ANKRD18B: variants seen among roughly 807,000 people sequenced by gnomAD.
The protein encoded by ANKRD18B is ankyrin repeat domain-containing protein 18B.
In ANKRD18B, 75 loss-of-function variants were observed where a neutral mutation model predicts 111.8. That is an observed-to-expected ratio of 0.67 (90% CI 0.56 to 0.81). The LOEUF is 0.81. ANKRD18B is among the 40% of genes least tolerant of loss of function. ANKRD18B has a pLI of 0.00. For missense variants in ANKRD18B, 1,038 were observed against 1,225.5 expected, an observed-to-expected ratio of 0.85 and a Z score of 2.28; for synonymous variants, 356 against 417.3, an observed-to-expected ratio of 0.85 and a Z score of 1.79.
At chr9:33,571,403 T>C (rs903289670) in intron 18 of ANKRD18B, 112 bp downstream of exon 18, 4 of 337,814 alleles carry the variant, frequency 1.2e-5, no homozygotes, top group Non-Finnish European at 1.4e-5. Flanking sequence ...ATTCAGTATC[T>C]TTTTCTTACA....
chr9:33,536,958 A>C lies in ANKRD18B; in HGVS notation c.808+13A>C. On this transcript the variant is annotated intron_variant, in intron 6 of 18. Transcript: ENST00000684830. The stretch of plus-strand genomic sequence containing the variant: ...AATGACAATCAAGGTAAGACTTCTG[A>C]TAGTAAATTTCTCATTTCCCTTGGT... 1 of 1,458,330 alleles carries C rather than the reference A, an allele frequency of 6.9e-7. No homozygotes were observed. The highest frequency in any genetic ancestry group is 9.1e-7 in the Non-Finnish European group (1 of 1,093,322). 90.3% of individuals were successfully genotyped at this position (1,458,330 alleles called of 1,614,324 possible).
chr9:33,524,819 T>G (rs1035223272), intron 1 of ANKRD18B, 124 bp downstream of exon 1: 7 of 1,191,956 alleles, frequency 5.9e-6, no homozygotes, highest in African/African-American at 4.6e-5. Flanking sequence ...GAGCCTCAGC[T>G]GCTTTCCATC....
At position 33,536,971 on chromosome 9, in the gene ANKRD18B, C is replaced by T. The variant is rs901428903; in HGVS notation, c.808+26C>T. Reference sequence around the variant, plus strand: ...GTAAGACTTCTGATAGTAAATTTCTCATTTCCCTTGGTGATCTTACTGATT... The same window carrying T: ...GTAAGACTTCTGATAGTAAATTTCTTATTTCCCTTGGTGATCTTACTGATT... On this transcript the variant is annotated intron_variant, in intron 6 of 18. Transcript: ENST00000684830. 4.9e-6 allele frequency: 7 copies of T among 1,440,864 alleles called. No individual in the cohort carries two copies. In the African/African-American group the frequency reaches 5.9e-5, roughly 12 times the overall value. The allele number at this position is 1,440,864 out of a possible 1,614,324, so 89.3% of individuals were successfully genotyped here. A position where few individuals can be genotyped will look rare whatever the true frequency, so the allele number is the denominator to read the frequency against.
chr9:33,548,585 G>T lies in ANKRD18B; in HGVS notation c.1797G>T (p.Gly599=). The part of the protein sequence containing the change: ...IKEMKQMHPN[G]EAKESQSIGK... The stretch of plus-strand genomic sequence containing the variant: ...AAATGAAGCAGATGCATCCAAATGG[G>T]GAAGCTAAAGAAAGTCAATCCATTG... The change falls in exon 11 of 19, where the codon GGG becomes GGT. Residue 599 remains glycine (G), a synonymous_variant. Coordinates refer to ENST00000684830, the MANE Select transcript of ANKRD18B (RefSeq NM_001393611.1). 1 of 1,551,362 alleles carries T rather than the reference G, an allele frequency of 6.4e-7. No homozygotes were observed. Among genetic ancestry groups the T allele is most frequent in the Non-Finnish European group, 8.7e-7 (1 of 1,146,684 alleles).
intron 11 of ANKRD18B, among the ~76,000 whole-genome samples, chr9:33,549,980 T>C (rs1050117617): frequency 2.6e-5 from 4 of 152,112 alleles, no homozygotes; most frequent in Admixed American, 2.0e-4. Context: ...TTCAGACTAA[T>C]GAGGGGTGGC....
rs1324413767 is a variant in ANKRD18B at position 33,536,931 on chromosome 9, G to A, written c.794G>A (p.Arg265Gln). 40 of 1,499,622 alleles carry A rather than the reference G, an allele frequency of 2.7e-5. No individual in the cohort carries two copies. Among genetic ancestry groups the A allele is most frequent in the Non-Finnish European group, 3.0e-5 (33 of 1,117,694 alleles). 92.9% of individuals were successfully genotyped at this position (1,499,622 alleles called of 1,614,324 possible). ...AATAAGATGCTTAAAAATCATCTTC[G>A]AAATGACAATCAAGGTAAGACTTCT... ...HKNKMLKNHL[R>Q]NDNQEAAAMK... The change falls in exon 6 of 19, where the codon CGA becomes CAA. Residue 265 changes from arginine (R) to glutamine (Q), a missense_variant. This residue lies in a region of ANKRD18B where 93 missense variants were observed against 141.3 expected (regional missense o/e 0.66). Coordinates refer to ENST00000684830, the MANE Select transcript of ANKRD18B (RefSeq NM_001393611.1).
chr9:33,537,089 G>A, intron 6 of ANKRD18B, 144 bp downstream of exon 6: 1 of 455,248 alleles, frequency 2.2e-6, no homozygotes, highest in Non-Finnish European at 3.7e-6. Context: ...CTGAGGTCAG[G>A]ATTTTGAGAC....
intron 12 of ANKRD18B, among the ~76,000 whole-genome samples, chr9:33,554,072 A>C (rs1231239349): frequency 6.7e-6 from 1 of 149,438 alleles, no homozygotes. Flanking sequence ...ACTCCATCTC[A>C]AAAAAAAAAT....
chr9:33,547,799 C>A, intron 10 of ANKRD18B, 139 bp from the exon 11 acceptor site: 2 of 556,440 alleles, frequency 3.6e-6, no homozygotes, highest in Non-Finnish European at 2.9e-6. Flanking sequence ...CAAGGTTTTG[C>A]TTCAATTTTT....
chr9:33,533,278 G>A (rs983408541), intron 3 of ANKRD18B, among the ~76,000 whole-genome samples, 161 bp from the exon 4 acceptor site: 7 of 152,228 alleles, frequency 4.6e-5, no homozygotes, highest in African/African-American at 1.4e-4. Context: ...TTTCAAGGCA[G>A]TGTGTGGGAA....
At chr9:33,544,776 G>A (rs1189858009) in intron 10 of ANKRD18B, among the ~76,000 whole-genome samples, 5 of 152,158 alleles carry the variant, frequency 3.3e-5, no homozygotes, top group Admixed American at 6.5e-5. Flanking sequence ...GGCAGAGGTT[G>A]TGTTGAGCCA....
intron 12 of ANKRD18B, among the ~76,000 whole-genome samples, chr9:33,553,478 C>T (rs1828476763): frequency 6.6e-6 from 1 of 152,134 alleles, no homozygotes; most frequent in Admixed American, 6.5e-5. Flanking sequence ...TAAGGGGCAG[C>T]TTTAAACCAT....
At chr9:33,541,897 C>G (rs551268789) in intron 9 of ANKRD18B, among the ~76,000 whole-genome samples, 1 of 152,304 alleles carries the variant, frequency 6.6e-6, no homozygotes, top group South Asian at 2.1e-4. Flanking sequence ...GCCCCTTTTT[C>G]TGGCATTACT....
Position 33,543,196 on chromosome 9 carries a change from A to G in ANKRD18B, c.1090A>G (p.Lys364Glu). 3.2e-6 allele frequency: 5 copies of G among 1,552,568 alleles called. No individual in the cohort carries two copies. The highest frequency in any genetic ancestry group is 3.5e-6 in the Non-Finnish European group (4 of 1,147,162). ...GGATTTGTCAGCAGAACACAACTTAAAAGTGGCTTCAGAGGAAAAGCAAGA... is the reference window on the plus strand; with the variant it reads ...GGATTTGTCAGCAGAACACAACTTAGAAGTGGCTTCAGAGGAAAAGCAAGA... ...RKEGAKEHNL[K>E]VASEEKQERL... The change falls in exon 10 of 19, where the codon AAA becomes GAA. Residue 364 changes from lysine (K) to glutamate (E), a missense_variant. Transcript: ENST00000684830.
intron 5 of ANKRD18B, among the ~76,000 whole-genome samples, chr9:33,534,825 C>CTT (rs374951470): frequency 0.011 from 1,348 of 123,220 alleles, 34 homozygotes; most frequent in African/African-American, 0.028. Flanking sequence ...TTCTTTCTTC[C>CTT]TTTTTTTTTT....
intron 14 of ANKRD18B, among the ~76,000 whole-genome samples, chr9:33,562,620 C>G (rs1828623217): frequency 6.6e-6 from 1 of 152,110 alleles, no homozygotes; most frequent in African/African-American, 2.4e-5. Context: ...TTCAAAATTT[C>G]AGAGCCAAGT....
chr9:33,548,170 A>G lies in ANKRD18B; in HGVS notation c.1382A>G (p.Gln461Arg). The change falls in exon 11 of 19, where the codon CAG becomes CGG. Residue 461 changes from glutamine to arginine, a missense_variant. By Grantham distance (43) the Gln-to-Arg change is conservative (BLOSUM62 1). Transcript: ENST00000684830. ...AAAAAAGTGGCCCAGTATTCGCAAC[A>G]GCTTAATGATCTGAAAGCTGAGAAT... ...ITKKVAQYSQ[Q>R]LNDLKAENAR... The G allele has an allele frequency of 6.5e-7, 1 of 1,544,416 alleles. No homozygotes were observed. Among genetic ancestry groups the G allele is most frequent in the Non-Finnish European group, 8.7e-7 (1 of 1,144,702 alleles).
In ANKRD18B at chr9:33,571,279, G is replaced by A. The variant is rs761699050; in HGVS notation, c.3211G>A (p.Glu1071Lys). 1.6e-5 allele frequency: 19 copies of A among 1,166,208 alleles called. 1 individual carries two copies. In the South Asian group the frequency reaches 3.2e-4, roughly 20 times the overall value. The allele number at this position is 1,166,208 out of a possible 1,614,324, so 72.2% of individuals were successfully genotyped here. Residue 1071 changes from glutamate to lysine, a missense_variant, in exon 18 of 19, where the codon GAA becomes AAA. Glu to Lys is a moderately conservative substitution (Grantham distance 56). Transcript: ENST00000684830. Reference sequence around the variant, plus strand: ...GGACTGTGCAGAACAAATAATTACAGAAACAAAGAAAAGTATGTTGCCAAA... The same window carrying A: ...GGACTGTGCAGAACAAATAATTACAAAAACAAAGAAAAGTATGTTGCCAAA... ...ELDCAEQIITETKKTFAALGP... is the reference protein window; with the variant it reads ...ELDCAEQIITKTKKTFAALGP...
At chr9:33,534,230 A>G (rs1448715205) in intron 4 of ANKRD18B, 140 bp from the exon 5 acceptor site, 2 of 1,198,370 alleles carry the variant, frequency 1.7e-6, no homozygotes, top group East Asian at 2.7e-5. Flanking sequence ...CAAGATGCTT[A>G]TACACATAAG....
Sources: gnomAD v4.1 joint callset for allele counts (sites outside exome capture counted in the v4.1 genomes callset) on GRCh38, gnomAD v4.1.1 for gene constraint, gnomAD v4.1.1 regional missense constraint, MANE v1.5 for transcripts, NCBI Gene and HGNC (gene_info 2026-07-23, HGNC 2026-07-21) for gene names.